Variants in ABCC4 observed in about 807,000 individuals in gnomAD.
ABCC4 encodes the protein ATP-binding cassette sub-family C member 4.
In ABCC4, 102 loss-of-function variants were observed where a neutral mutation model predicts 168.5. The observed-to-expected ratio is 0.61, with a 90% CI of 0.52 to 0.71. The LOEUF (loss-of-function observed/expected upper bound fraction) is 0.71, where lower values mean the gene tolerates loss of function less well. Ranked by LOEUF, ABCC4 falls within the 30% of genes least tolerant of loss-of-function variation. The pLI is 0.00. For synonymous variants in ABCC4, 617 were observed against 590.7 expected, an observed-to-expected ratio of 1.04 and a Z score of -0.65; for missense variants, 1,402 against 1,605.8, an observed-to-expected ratio of 0.87 and a Z score of 2.17.
Position 95,186,864 on chromosome 13 carries a change from T to TC in ABCC4, c.1381dup (p.Glu461GlyfsTer32). On this transcript the variant is annotated frameshift_variant, in exon 11 of 31. Coordinates refer to ENST00000645237, the MANE Select transcript of ABCC4 (RefSeq NM_005845.5). LOFTEE classifies it high-confidence loss of function. ...GACCAGCCCGTGACTTGGGGCCAAT[T>TC]CCCCGAGCACGGCACTTAACAGTGA... 1 of 1,613,148 alleles carries TC rather than the reference T, an allele frequency of 6.2e-7. No homozygotes were observed. The highest frequency in any genetic ancestry group is 8.5e-7 in the Non-Finnish European group (1 of 1,179,668).
intron 21 of ABCC4, among the ~76,000 whole-genome samples, chr13:95,077,141 T>G (rs1566397020): frequency 6.6e-6 from 1 of 152,192 alleles, no homozygotes; most frequent in South Asian, 2.1e-4. Context: ...GTTTCAATTG[T>G]CTACCATGAA....
intron 21 of ABCC4, among the ~76,000 whole-genome samples, chr13:95,078,945 G>C (rs2034000907): frequency 6.6e-6 from 1 of 152,196 alleles, no homozygotes; most frequent in Non-Finnish European, 1.5e-5. Flanking sequence ...CTGGGTTTCA[G>C]GGCAGGGTCA....
chr13:95,074,439 C>T (rs1467720891), intron 22 of ABCC4, 115 bp from the exon 23 acceptor site: 2 of 710,338 alleles, frequency 2.8e-6, no homozygotes, highest in Non-Finnish European at 4.7e-6. Context: ...AAGTTGCACA[C>T]CCAAGGAACC....
chr13:95,289,080 T>C (rs1326798691), intron 1 of ABCC4, among the ~76,000 whole-genome samples: 1 of 152,184 alleles, frequency 6.6e-6, no homozygotes. Context: ...GTACACACTG[T>C]TGGACTGTAT....
chr13:95,287,677 T>C (rs4773872), intron 1 of ABCC4, among the ~76,000 whole-genome samples: 116,153 of 151,942 alleles, frequency 0.76, 45,215 homozygotes, highest in Middle Eastern at 0.88. Flanking sequence ...CTTGAGGCCA[T>C]AAATTTGAGG....
At chr13:95,120,803 T>C (rs1250924700) in intron 19 of ABCC4, among the ~76,000 whole-genome samples, 1 of 152,132 alleles carries the variant, frequency 6.6e-6, no homozygotes, top group East Asian at 1.9e-4. Flanking sequence ...AGAATTGACC[T>C]GTGCACTCCA....
intron 8 of ABCC4, among the ~76,000 whole-genome samples, chr13:95,205,484 C>T (rs1201929348): frequency 6.6e-6 from 1 of 152,226 alleles, no homozygotes; most frequent in Non-Finnish European, 1.5e-5. Context: ...CAAGTTCTTG[C>T]CAAGCCCTCT....
At chr13:95,269,280 TACA>T (rs3047283) in intron 1 of ABCC4, 145,670 of 454,822 alleles carry the variant, frequency 0.32, 26,364 homozygotes, top group African/African-American at 0.63. Context: ...ATACAGAGCC[TACA>T]ACCTGTCAGC....
intron 19 of ABCC4, among the ~76,000 whole-genome samples, chr13:95,145,937 C>A (rs1472946480): frequency 6.6e-6 from 1 of 152,080 alleles, no homozygotes; most frequent in Non-Finnish European, 1.5e-5. Context: ...ACAGGCCGGG[C>A]ACAGTGGCTC....
In ABCC4 at chr13:95,247,659, C is replaced by G. The variant is rs755618240; in HGVS notation, c.169G>C (p.Gly57Arg). 1 of 1,613,800 alleles carries G rather than the reference C, an allele frequency of 6.2e-7. No homozygotes were observed. Among genetic ancestry groups the G allele is most frequent in the Non-Finnish European group, 8.5e-7 (1 of 1,179,778 alleles). Residue 57 changes from glycine (G) to arginine (R), a missense_variant, in exon 2 of 31, where the codon GGA becomes CGA. By Grantham distance (125) the Gly-to-Arg change is moderately radical. Transcript: ENST00000645237. ...CCGACTTACCCTTGCAACTCCTCTCCAAGGTGCTGTGAGCGGTCTTCTGGC... is the reference window on the plus strand; with the variant it reads ...CCGACTTACCCTTGCAACTCCTCTCGAAGGTGCTGTGAGCGGTCTTCTGGC... ...VLPEDRSQHLGEELQGFWDKE... is the reference protein window; with the variant it reads ...VLPEDRSQHLREELQGFWDKE...
At chr13:95,274,375 A>G (rs1310260019) in intron 1 of ABCC4, among the ~76,000 whole-genome samples, 1 of 152,186 alleles carries the variant, frequency 6.6e-6, no homozygotes, top group African/African-American at 2.4e-5. Flanking sequence ...CAGCTCTGAT[A>G]TGCAAACCAA....
At chr13:95,070,522 G>T (rs2033689187) in intron 25 of ABCC4, among the ~76,000 whole-genome samples, 1 of 152,176 alleles carries the variant, frequency 6.6e-6, no homozygotes, top group Non-Finnish European at 1.5e-5. Flanking sequence ...AAGGGACATT[G>T]CTGGCAGACT....
At chr13:95,029,235 GAGAGAGAGAGAGAGAGAGAA>G (rs1198575789) in intron 30 of ABCC4, among the ~76,000 whole-genome samples, 5,549 of 15,550 alleles carry the variant, frequency 0.36, 372 homozygotes, top group Non-Finnish European at 0.43. Context: ...GAGAGAGAGA[GAGAGAGAGAGAGAGAGAGAA>G]AGAGAGAGAG....
At chr13:95,043,311 CT>C (rs546810595) in intron 29 of ABCC4, 577 of 176,492 alleles carry the variant, frequency 3.3e-3, no homozygotes, top group African/African-American at 0.013. Context: ...ATATAAAAAC[CT>C]AAATCTTTCA....
chr13:95,291,321 C>T (rs2041399051), intron 1 of ABCC4, among the ~76,000 whole-genome samples: 2 of 151,652 alleles, frequency 1.3e-5, no homozygotes, highest in South Asian at 2.1e-4. Flanking sequence ...CACCACTGCA[C>T]TCCAAGGCTG....
intron 1 of ABCC4, among the ~76,000 whole-genome samples, chr13:95,272,827 G>A (rs2040878393): frequency 6.6e-6 from 1 of 152,198 alleles, no homozygotes; most frequent in African/African-American, 2.4e-5. Context: ...GGCAGAGGTT[G>A]CAGTGAGCCA....
At chr13:95,301,064 GGCGTGGGGGCGGCGCCACCCGCA>G (rs1290851630) in intron 1 of ABCC4, among the ~76,000 whole-genome samples, 154 bp downstream of exon 1, 1 of 152,074 alleles carries the variant, frequency 6.6e-6, no homozygotes, top group Non-Finnish European at 1.5e-5. Flanking sequence ...CCACGCGGCC[GGCGTGGGGGCGGCGCCACCCGCA>G]GCAGAAAGCC....
chr13:95,151,576 A>G (rs1046071853), intron 19 of ABCC4, among the ~76,000 whole-genome samples: 1 of 146,632 alleles, frequency 6.8e-6, no homozygotes, highest in Admixed American at 6.9e-5. Flanking sequence ...GAGAAGAAGG[A>G]GGAGGAGAAG....
intron 27 of ABCC4, among the ~76,000 whole-genome samples, chr13:95,049,405 G>A (rs1486399151): frequency 1.3e-5 from 2 of 152,076 alleles, no homozygotes; most frequent in Non-Finnish European, 2.9e-5. Context: ...ACTTTGGGAG[G>A]CTGAAGCAGG....
Sources: gnomAD v4.1 joint callset for allele counts (sites outside exome capture counted in the v4.1 genomes callset) on GRCh38, gnomAD v4.1.1 for gene constraint, MANE v1.5 for transcripts, NCBI Gene and HGNC (gene_info 2026-07-23, HGNC 2026-07-21) for gene names.